The following ZNF282 variants were observed in gnomAD, a reference collection of about 807,000 sequenced individuals.
ZNF282 encodes the protein zinc finger protein 282.
A neutral mutation model predicts 61.9 loss-of-function variants in ZNF282; 30 were observed. The observed-to-expected ratio is 0.48, with a 90% CI of 0.36 to 0.66. The LOEUF (loss-of-function observed/expected upper bound fraction) is 0.66. Among genes scored for constraint, ZNF282 ranks in the 30% least tolerant of loss-of-function variants. The pLI is 0.00. For synonymous variants in ZNF282, 396 were observed against 405.0 expected (o/e 0.98, Z 0.27); for missense variants, 788 against 941.4 (o/e 0.84, Z 2.13).
chr7:149,207,812 G>A (rs1796020988), intron 4 of ZNF282, among the ~76,000 whole-genome samples: 1 of 152,228 alleles, frequency 6.6e-6, no homozygotes, highest in Non-Finnish European at 1.5e-5. Flanking sequence ...GGAAAAAGGA[G>A]TCTGCGGCGC....
Position 149,224,094 on chromosome 7 carries a change from C to T in ZNF282, c.1463C>T (p.Ala488Val), listed in dbSNP as rs1014811124. The T allele has an allele frequency of 3.7e-6, 5 of 1,350,824 alleles. No homozygotes were observed. Among genetic ancestry groups the T allele is most frequent in the Non-Finnish European group, 4.7e-6 (5 of 1,054,996 alleles). The allele number at this position is 1,350,824 out of a possible 1,614,324, so 83.7% of individuals were successfully genotyped here. ...GGCGGTGGGGGCGGCGGCGCGGAGG[C>T]GGGGACGGGGGCAGGCGGCGGCTGT... ...DGGGGGGGAE[A>V]GTGAGGGCGS... Residue 488 changes from alanine to valine, a missense_variant, in exon 8 of 8, where the codon GCG becomes GTG. Transcript: ENST00000610704.
chr7:149,202,780 C>CT (rs1157423574), intron 2 of ZNF282, among the ~76,000 whole-genome samples: 6 of 152,218 alleles, frequency 3.9e-5, no homozygotes, highest in African/African-American at 1.4e-4. Flanking sequence ...TTTTGTATTG[C>CT]TTTTTTTGTC....
rs183832599 is a variant in ZNF282, at chr7:149,220,147, G to A, written c.1181-3665G>A. On this transcript the variant is annotated intron_variant, in intron 7 of 7. Coordinates refer to ENST00000610704, the MANE Select transcript of ZNF282 (RefSeq NM_003575.4). ...AAAGAAGCCGGGCACGGTGGCTCAC[G>A]CCTGTAATCCCAGCACTTTGAGAGG... Among the ~76,000 whole-genome samples the A allele has an allele frequency of 2.1e-4, 32 of 152,242 alleles. 1 individual carries two copies. In the South Asian group the frequency reaches 2.5e-3, roughly 12 times the overall value.
chr7:149,224,729 C>A lies in ZNF282; in HGVS notation c.*82C>A. ...CAACCACCTTGCCGGGTGTCCTCAG[C>A]CACCGTCTGGAAATCGGCAACAGGC... On this transcript the variant is annotated 3_prime_UTR_variant, in exon 8 of 8. Transcript: ENST00000610704. 7.0e-7 allele frequency: 1 copy of A among 1,438,568 alleles called. No homozygotes were observed. The highest frequency in any genetic ancestry group is 9.1e-7 in the Non-Finnish European group (1 of 1,101,670). The allele number at this position is 1,438,568 out of a possible 1,614,324, so 89.1% of individuals were successfully genotyped here.
At chr7:149,220,776 A>G (rs1216590821) in intron 7 of ZNF282, among the ~76,000 whole-genome samples, 1 of 152,102 alleles carries the variant, frequency 6.6e-6, no homozygotes, top group African/African-American at 2.4e-5. Context: ...TGGAAAGGAA[A>G]AGCCCTCAGG....
chr7:149,199,503 T>C (rs1421452985), intron 2 of ZNF282, among the ~76,000 whole-genome samples: 1 of 152,056 alleles, frequency 6.6e-6, no homozygotes, highest in Non-Finnish European at 1.5e-5. Context: ...GACTGTTCTG[T>C]CCTGCTGTCC....
intron 1 of ZNF282, among the ~76,000 whole-genome samples, chr7:149,196,546 G>A (rs1403546122): frequency 6.6e-6 from 1 of 152,184 alleles, no homozygotes; most frequent in African/African-American, 2.4e-5. Flanking sequence ...GACTCTCTGG[G>A]CCCACCCTGG....
At chr7:149,206,853 C>T in intron 3 of ZNF282, 31 bp downstream of exon 3, 1 of 1,612,724 alleles carries the variant, frequency 6.2e-7, no homozygotes, top group Non-Finnish European at 8.5e-7. Context: ...CTTTGGTGAG[C>T]CATCTCTGCA....
Position 149,205,423 on chromosome 7 carries a change from G to A in ZNF282, c.586-1273G>A, listed in dbSNP as rs1443001984. On this transcript the variant is annotated intron_variant, in intron 2 of 7. Coordinates refer to ENST00000610704, the MANE Select transcript of ZNF282 (RefSeq NM_003575.4). The stretch of plus-strand genomic sequence containing the variant: ...ACTGCACTCCAGTCTGGGCGACAGC[G>A]AGACTCTGTCTCAAAAAATAAATAA... 5.3e-5 allele frequency among the ~76,000 whole-genome samples: 8 copies of A among 152,156 alleles called. No homozygotes were observed. In the South Asian group the frequency reaches 8.3e-4, roughly 16 times the overall value.
At chr7:149,196,324 C>G (rs1303344846) in intron 1 of ZNF282, among the ~76,000 whole-genome samples, 1 of 152,228 alleles carries the variant, frequency 6.6e-6, no homozygotes, top group African/African-American at 2.4e-5. Flanking sequence ...GGTTGACAAA[C>G]TTGGCCGCAT....
chr7:149,201,112 G>A (rs966661150), intron 2 of ZNF282, among the ~76,000 whole-genome samples: 16 of 152,190 alleles, frequency 1.1e-4, no homozygotes, highest in African/African-American at 2.9e-4. Context: ...ACCTGAAGTT[G>A]TCCTCATCTC....
chr7:149,222,680 G>A (rs780124053), intron 7 of ZNF282, among the ~76,000 whole-genome samples: 2 of 151,900 alleles, frequency 1.3e-5, no homozygotes, highest in Non-Finnish European at 2.9e-5. Flanking sequence ...TCAGAGTCTC[G>A]CTCTGTCGCC....
intron 7 of ZNF282, among the ~76,000 whole-genome samples, chr7:149,218,970 G>A (rs1018650077): frequency 2.6e-5 from 4 of 152,180 alleles, no homozygotes; most frequent in African/African-American, 4.8e-5. Context: ...GCATGTCAAC[G>A]TGTGAAAATA....
At chr7:149,208,470 T>C (rs1796032242) in intron 4 of ZNF282, among the ~76,000 whole-genome samples, 1 of 151,914 alleles carries the variant, frequency 6.6e-6, no homozygotes, top group South Asian at 2.1e-4. Context: ...CCCAAAGTGC[T>C]AGGATTACAG....
At chr7:149,214,766 A>G (rs1227255119) in intron 7 of ZNF282, among the ~76,000 whole-genome samples, 1 of 152,136 alleles carries the variant, frequency 6.6e-6, no homozygotes, top group Non-Finnish European at 1.5e-5. Flanking sequence ...CTGGGAGGTC[A>G]TGGCTGCAAT....
chr7:149,216,831 A>G (rs1371024423), intron 7 of ZNF282, among the ~76,000 whole-genome samples: 4 of 152,180 alleles, frequency 2.6e-5, no homozygotes, highest in African/African-American at 9.7e-5. Context: ...GCAGACCTCA[A>G]CCCAATTGGA....
chr7:149,214,455 G>C (rs1398512586), intron 7 of ZNF282, among the ~76,000 whole-genome samples: 1 of 152,102 alleles, frequency 6.6e-6, no homozygotes, highest in East Asian at 1.9e-4. Flanking sequence ...GGCAGGGAGG[G>C]GAGGAAGGGA....
rs891866299 is a variant in ZNF282, at chr7:149,223,882, G to A, written c.1251G>A (p.Pro417=). The A allele has an allele frequency of 1.2e-5, 16 of 1,360,510 alleles. No homozygotes were observed. In the African/African-American group the frequency reaches 2.0e-4, roughly 17 times the overall value. The allele number at this position is 1,360,510 out of a possible 1,614,324, so 84.3% of individuals were successfully genotyped here. A position where few individuals can be genotyped will look rare whatever the true frequency, so the allele number is the denominator to read the frequency against. Residue 417 remains proline, a synonymous_variant, in exon 8 of 8, where the codon CCG becomes CCA. Transcript: ENST00000610704. ...PPQPQPQPQP[P]QPQLQSQPQP... The stretch of plus-strand genomic sequence containing the variant: ...AGCCCCAGCCCCAGCCCCAGCCACC[G>A]CAGCCGCAGCTGCAGTCGCAGCCCC...
rs1430717927 is a variant in ZNF282, at chr7:149,212,379, A to T, written c.974A>T (p.Asp325Val). The T allele has an allele frequency of 6.2e-7, 1 of 1,611,552 alleles. No individual in the cohort carries two copies. Among genetic ancestry groups the T allele is most frequent in the Non-Finnish European group, 8.5e-7 (1 of 1,178,976 alleles). The change falls in exon 6 of 8, where the codon GAC becomes GTC. Residue 325 changes from aspartate (D) to valine (V), a missense_variant. Coordinates refer to ENST00000610704, the MANE Select transcript of ZNF282 (RefSeq NM_003575.4). ...GTAGACTCCCCAATTTCTGCCCAGG[A>T]CCTCTTGTCCCGGATTAAACAGGAG... ...SITDSPISAQDLLSRIKQEEH... is the reference protein window; with the variant it reads ...SITDSPISAQVLLSRIKQEEH...
Sources: gnomAD v4.1 joint callset for allele counts (sites outside exome capture counted in the v4.1 genomes callset) on GRCh38, gnomAD v4.1.1 for gene constraint, MANE v1.5 for transcripts, NCBI Gene and HGNC (gene_info 2026-07-23, HGNC 2026-07-21) for gene names.